The following CTNNA2 variants were observed in gnomAD, a reference collection of about 807,000 sequenced individuals.
CTNNA2 encodes catenin alpha-2.
CTNNA2 carries 42 observed loss-of-function variants against 101.0 expected under a neutral mutation model. The ratio of observed to expected loss-of-function variants is 0.42; its 90% confidence interval spans 0.32 to 0.54. The LOEUF is 0.54. Ranked by LOEUF, CTNNA2 falls within the 20% of genes least tolerant of loss-of-function variation. The probability of loss-of-function intolerance (pLI) is 0.14; values close to 1 mark genes in which losing one functional copy is unlikely to be tolerated. For missense variants in CTNNA2, 871 were observed against 1,223.1 expected, an observed-to-expected ratio of 0.71 and a Z score of 4.29; for synonymous variants, 450 against 456.4, an observed-to-expected ratio of 0.99 and a Z score of 0.18.
intron 14 of CTNNA2, among the ~76,000 whole-genome samples, chr2:80,582,613 T>C (rs1456788793): frequency 6.6e-6 from 1 of 152,078 alleles, no homozygotes; most frequent in Non-Finnish European, 1.5e-5. Context: ...TGGTAAGAGA[T>C]GAAATCTTTA....
At chr2:80,022,582 A>G (rs544990053) in intron 7 of CTNNA2, among the ~76,000 whole-genome samples, 1 of 152,224 alleles carries the variant, frequency 6.6e-6, no homozygotes, top group African/African-American at 2.4e-5. Flanking sequence ...TGGGCAACAT[A>G]GTGAGACCTT....
intron 3 of CTNNA2, among the ~76,000 whole-genome samples, chr2:79,802,242 A>T (rs1330709502): frequency 6.6e-6 from 1 of 152,188 alleles, no homozygotes; most frequent in Admixed American, 6.5e-5. Flanking sequence ...CAATAGAGGG[A>T]TCACAGAAAG....
intron 7 of CTNNA2, among the ~76,000 whole-genome samples, chr2:80,216,218 G>A (rs1399859728): frequency 1.3e-5 from 2 of 152,132 alleles, no homozygotes; most frequent in Non-Finnish European, 2.9e-5. Flanking sequence ...CCAAGGTGAG[G>A]TGATGCCCCG....
chr2:79,913,902 T>C (rs1240480864), intron 7 of CTNNA2, among the ~76,000 whole-genome samples: 2 of 151,906 alleles, frequency 1.3e-5, no homozygotes, highest in Admixed American at 6.6e-5. Flanking sequence ...GCACGGTGGC[T>C]CACGCCTGTA....
At chr2:80,417,095 T>G (rs147614028) in intron 8 of CTNNA2, among the ~76,000 whole-genome samples, 3 of 152,062 alleles carry the variant, frequency 2.0e-5, no homozygotes, top group Non-Finnish European at 4.4e-5. Context: ...TCTTCTCAGG[T>G]ACATGATACA....
At chr2:79,242,991 TATACAC>T (rs1208302143) in intron 2 of CTNNA2, among the ~76,000 whole-genome samples, 6 of 120,922 alleles carry the variant, frequency 5.0e-5, no homozygotes, top group Admixed American at 8.7e-5. Flanking sequence ...TATATATATA[TATACAC>T]ACACACACAC....
intron 1 of CTNNA2, among the ~76,000 whole-genome samples, chr2:79,554,767 G>A (rs1027268273): frequency 2.0e-5 from 3 of 152,156 alleles, no homozygotes; most frequent in Admixed American, 6.5e-5. Flanking sequence ...AGAAATGGAG[G>A]TTATTGTCAT....
chr2:80,550,778 A>G (rs146238671), intron 11 of CTNNA2, among the ~76,000 whole-genome samples: 33 of 151,074 alleles, frequency 2.2e-4, no homozygotes, highest in African/African-American at 8.0e-4. Flanking sequence ...TTCTTCCTCC[A>G]CTGAAGTCTT....
intron 2 of CTNNA2, among the ~76,000 whole-genome samples, chr2:79,662,855 G>A (rs868536167): frequency 7.2e-5 from 11 of 152,094 alleles, no homozygotes; most frequent in African/African-American, 2.7e-4. Flanking sequence ...TGGATATCTT[G>A]ACTTTGGTGT....
At chr2:80,511,353 G>C (rs1248108426) in intron 9 of CTNNA2, among the ~76,000 whole-genome samples, 1 of 152,186 alleles carries the variant, frequency 6.6e-6, no homozygotes, top group Non-Finnish European at 1.5e-5. Context: ...AAACAACTGT[G>C]AGGCTACCTC....
chr2:79,355,901 T>A (rs1202913141), intron 3 of CTNNA2, among the ~76,000 whole-genome samples: 1 of 152,092 alleles, frequency 6.6e-6, no homozygotes, highest in Non-Finnish European at 1.5e-5. Context: ...GCTGTGAACA[T>A]TCACATACAA....
At chr2:79,595,837 AAACTTTTT>A (rs1677155634) in intron 1 of CTNNA2, among the ~76,000 whole-genome samples, 2 of 151,684 alleles carry the variant, frequency 1.3e-5, no homozygotes, top group Admixed American at 6.6e-5. Flanking sequence ...TGTTTTGCTT[AAACTTTTT>A]AGATGGTTTC....
chr2:79,970,533 G>A (rs1301876279), intron 7 of CTNNA2, among the ~76,000 whole-genome samples: 2 of 152,172 alleles, frequency 1.3e-5, no homozygotes, highest in South Asian at 4.2e-4. Context: ...TACCACCTAC[G>A]GGGCTGCATG....
intron 9 of CTNNA2, among the ~76,000 whole-genome samples, chr2:80,422,911 A>T (rs886147713): frequency 2.0e-5 from 3 of 152,066 alleles, no homozygotes; most frequent in African/African-American, 4.8e-5. Context: ...TAATTTTTTT[A>T]AATTTCTTTT....
intron 7 of CTNNA2, among the ~76,000 whole-genome samples, chr2:79,952,768 G>A (rs1023825487): frequency 1.3e-5 from 2 of 152,144 alleles, no homozygotes; most frequent in African/African-American, 4.8e-5. Flanking sequence ...TCATTATGTT[G>A]TCTGTGGCTG....
chr2:79,984,417 C>A (rs111705406), intron 7 of CTNNA2, among the ~76,000 whole-genome samples: 8 of 152,262 alleles, frequency 5.3e-5, no homozygotes, highest in African/African-American at 1.9e-4. Context: ...TGATTGTGCT[C>A]ATTTATCATG....
At chr2:79,372,236 A>T (rs1677888802) in intron 3 of CTNNA2, among the ~76,000 whole-genome samples, 1 of 152,122 alleles carries the variant, frequency 6.6e-6, no homozygotes, top group Non-Finnish European at 1.5e-5. Context: ...ACAAAATAGC[A>T]CTGCACCCTA....
In CTNNA2 at chr2:79,294,214, G is replaced by GGAAGAAGAAGAA. The variant is rs755348814; in HGVS notation, c.-405-18480_-405-18469dup. The stretch of plus-strand genomic sequence containing the variant: ...GAGAGAGAGAGAGAGAAGAAGAAGA[G>GGAAGAAGAAGAA]GAAGAAGAAGAAGAAGAAGAAGAAG... On this transcript the variant is annotated intron_variant, in intron 2 of 21. Coordinates refer to the CTNNA2 transcript ENST00000466387. Among the ~76,000 whole-genome samples the GGAAGAAGAAGAA allele has an allele frequency of 4.3e-4, 63 of 147,552 alleles. 1 individual carries two copies. The highest frequency in any genetic ancestry group is 1.5e-3 in the African/African-American group (60 of 39,278).
At chr2:80,326,579 A>T (rs1679261039) in intron 7 of CTNNA2, among the ~76,000 whole-genome samples, 1 of 152,088 alleles carries the variant, frequency 6.6e-6, no homozygotes, top group African/African-American at 2.4e-5. Context: ...TTAGCATCTG[A>T]CTGTGAAGGC....
Sources: allele counts gnomAD v4.1 joint callset (sites outside exome capture counted in the v4.1 genomes callset), GRCh38; gene constraint gnomAD v4.1.1; transcripts MANE v1.5; gene names NCBI Gene and HGNC (gene_info 2026-07-23, HGNC 2026-07-21).